The following HEATR5A variants were observed in gnomAD, a reference collection of about 807,000 sequenced individuals.
HEATR5A encodes the protein HEAT repeat containing 5A.
Under a neutral mutation model 218.8 loss-of-function variants are expected in HEATR5A, and 178 were observed. The ratio of observed to expected loss-of-function variants is 0.81; its 90% CI spans 0.72 to 0.92. The LOEUF (loss-of-function observed/expected upper bound fraction) is 0.92. Ranked by LOEUF, HEATR5A falls within the 40% of genes least tolerant of loss-of-function variation. The pLI is 0.00. For synonymous variants in HEATR5A, 864 were observed against 871.6 expected, an observed-to-expected ratio of 0.99 and a Z score of 0.15; for missense variants, 2,420 against 2,418.9, an observed-to-expected ratio of 1.00 and a Z score of -0.01.
intron 29 of HEATR5A, 85 bp downstream of exon 29, chr14:31,308,849 T>C (rs1899641223): frequency 8.4e-7 from 1 of 1,195,470 alleles, no homozygotes; most frequent in African/African-American, 1.6e-5. Context: ...TACTCCAGCC[T>C]GGGTGAAAGA....
Position 31,303,096 on chromosome 14 carries a change from G to C in HEATR5A, c.5240-577C>G, listed in dbSNP as rs1566746564. ...CACTGAACTCCAGCCTGGGCACAGA[G>C]TGAGACCCTGTCTAAAAAAAAAACC... On this transcript the variant is annotated intron_variant, in intron 32 of 35. Transcript: ENST00000543095. Among the ~76,000 whole-genome samples the C allele has an allele frequency of 2.6e-5, 4 of 151,444 alleles. 1 individual carries two copies. The South Asian group carries it at 8.4e-4, about 32-fold the overall frequency.
At chr14:31,407,191 T>C (rs1301227927) in intron 1 of HEATR5A, among the ~76,000 whole-genome samples, 1 of 152,038 alleles carries the variant, frequency 6.6e-6, no homozygotes, top group Non-Finnish European at 1.5e-5. Flanking sequence ...CTCAGGAGGC[T>C]GAGGTAAGAA....
chr14:31,390,993 G>A (rs1394546791), intron 6 of HEATR5A, among the ~76,000 whole-genome samples: 1 of 152,146 alleles, frequency 6.6e-6, no homozygotes, highest in African/African-American at 2.4e-5. Flanking sequence ...ATACTAAGGT[G>A]AAAGACAGTG....
intron 21 of HEATR5A, among the ~76,000 whole-genome samples, chr14:31,338,112 A>T (rs796413517): frequency 6.6e-6 from 1 of 152,172 alleles, no homozygotes; most frequent in Admixed American, 6.5e-5. Flanking sequence ...TAGCTGTGTG[A>T]CTGTGGGCAA....
Position 31,323,608 on chromosome 14 carries a change from A to G in HEATR5A, c.3744T>C (p.Phe1248=). The G allele has an allele frequency of 6.2e-7, 1 of 1,612,398 alleles. No individual in the cohort carries two copies. The highest frequency in any genetic ancestry group is 1.1e-5 in the South Asian group (1 of 90,960). ...TCATTTCTTGTGCTAAAGCAATGTCAAAATGTGCACTGTTAGCATTCTCAC... is the reference window on the plus strand; with the variant it reads ...TCATTTCTTGTGCTAAAGCAATGTCGAAATGTGCACTGTTAGCATTCTCAC... ...NQCENANSAH[F]DIALAQEMKK... is the part of the protein sequence containing the mutation. Residue 1248 remains phenylalanine, a synonymous_variant, in exon 24 of 36, where the codon TTT becomes TTC. Transcript: ENST00000543095.
chr14:31,324,945 G>A (rs1000422902), intron 23 of HEATR5A, among the ~76,000 whole-genome samples: 4 of 152,166 alleles, frequency 2.6e-5, no homozygotes, highest in African/African-American at 4.8e-5. Flanking sequence ...CAGGAATTTG[G>A]TGTTAACTTT....
intron 23 of HEATR5A, among the ~76,000 whole-genome samples, chr14:31,325,479 T>C (rs2139172254): frequency 6.6e-6 from 1 of 150,856 alleles, no homozygotes; most frequent in East Asian, 1.9e-4. Context: ...TGGGTATGTA[T>C]GAACATATGT....
At chr14:31,326,622 T>C (rs1166812233) in intron 22 of HEATR5A, among the ~76,000 whole-genome samples, 1 of 152,256 alleles carries the variant, frequency 6.6e-6, no homozygotes, top group Admixed American at 6.5e-5. Flanking sequence ...TTTACCCAAT[T>C]AGTGTCCAAT....
intron 25 of HEATR5A, among the ~76,000 whole-genome samples, chr14:31,320,874 T>C (rs1470834094): frequency 6.6e-6 from 1 of 152,150 alleles, no homozygotes; most frequent in Non-Finnish European, 1.5e-5. Flanking sequence ...ACAGGCATAC[T>C]GCCCTGCCCA....
In HEATR5A at chr14:31,369,677, C is replaced by T. The variant is rs145639070; in HGVS notation, c.1961+2133G>A. ...ACGCAGTGGCTCATGCCTGTAATCCCAGCAATTTGGGAGGCCGAGGTGGGT... is the reference window on the plus strand; with the variant it reads ...ACGCAGTGGCTCATGCCTGTAATCCTAGCAATTTGGGAGGCCGAGGTGGGT... On this transcript the variant is annotated intron_variant, in intron 13 of 35. Coordinates refer to ENST00000543095, the MANE Select transcript of HEATR5A (RefSeq NM_015473.4). 9.8e-3 allele frequency among the ~76,000 whole-genome samples: 1,445 copies of T among 147,360 alleles called. 26 individuals carry two copies. The highest frequency in any genetic ancestry group is 0.034 in the African/African-American group (1,370 of 39,736).
chr14:31,304,842 C>G, intron 32 of HEATR5A, 63 bp downstream of exon 32: 1 of 1,531,026 alleles, frequency 6.5e-7, no homozygotes, highest in Non-Finnish European at 8.9e-7. Context: ...CAACTAGACT[C>G]CATTATCTAT....
At chr14:31,378,756 C>A (rs1363786867) in intron 11 of HEATR5A, among the ~76,000 whole-genome samples, 1 of 143,392 alleles carries the variant, frequency 7.0e-6, no homozygotes, top group Non-Finnish European at 1.5e-5. Context: ...CCACTGCACT[C>A]CAGCCTGGGT....
intron 21 of HEATR5A, chr14:31,340,313 ACATAC>A (rs1298896673): frequency 5.1e-6 from 2 of 391,874 alleles, no homozygotes; most frequent in South Asian, 4.4e-5. Context: ...AACATGCTAC[ACATAC>A]TGGACTTAGC....
intron 14 of HEATR5A, among the ~76,000 whole-genome samples, chr14:31,362,541 T>C (rs942703583): frequency 7.4e-5 from 10 of 134,584 alleles, no homozygotes; most frequent in Non-Finnish European, 1.5e-4. Flanking sequence ...GGTGGGAGGA[T>C]CACTGAAGCC....
chr14:31,374,634 T>A (rs930563773), intron 12 of HEATR5A, among the ~76,000 whole-genome samples, 182 bp downstream of exon 12: 3 of 152,176 alleles, frequency 2.0e-5, no homozygotes, highest in Non-Finnish European at 4.4e-5. Context: ...TGGTTTATTA[T>A]AACATACACC....
At chr14:31,295,273 T>C (rs923050833) in intron 34 of HEATR5A, among the ~76,000 whole-genome samples, 1 of 152,146 alleles carries the variant, frequency 6.6e-6, no homozygotes, top group African/African-American at 2.4e-5. Context: ...TGAGACAGCG[T>C]CTGGCTCTGT....
chr14:31,306,637 A>G, intron 31 of HEATR5A, 95 bp downstream of exon 31: 1 of 1,283,028 alleles, frequency 7.8e-7, no homozygotes, highest in Non-Finnish European at 1.0e-6. Context: ...TGTACCACAC[A>G]CAAAAGATTA....
chr14:31,307,946 A>C lies in HEATR5A; in HGVS notation c.4765T>G (p.Leu1589Val). The change falls in exon 30 of 36, where the codon TTG becomes GTG. Residue 1589 changes from leucine (L) to valine (V), a missense_variant. Transcript: ENST00000543095. ...CAAGGTACATCTAGAAGTGCTTGCA[A>C]TGCATGTAAACAAGCAGTTATGCTT... The part of the protein sequence containing the change: ...MESITACLHA[L>V]QALLDVPWPR... 6.2e-7 allele frequency: 1 copy of C among 1,613,752 alleles called. No individual in the cohort carries two copies. Among genetic ancestry groups the C allele is most frequent in the Non-Finnish European group, 8.5e-7 (1 of 1,179,672 alleles).
chr14:31,364,540 T>C lies in HEATR5A; in HGVS notation c.1962-242A>G, dbSNP rs561421232. ...GCTCAAACGATTCTCCCACCTCAGATTCCTAAGTAGCTGGGAACTACAGGG... is the reference window on the plus strand; with the variant it reads ...GCTCAAACGATTCTCCCACCTCAGACTCCTAAGTAGCTGGGAACTACAGGG... On this transcript the variant is annotated intron_variant, in intron 13 of 35. Coordinates refer to ENST00000543095, the MANE Select transcript of HEATR5A (RefSeq NM_015473.4). Among the ~76,000 whole-genome samples, 5 of 152,246 alleles carry C rather than the reference T, an allele frequency of 3.3e-5. No homozygotes were observed. In the East Asian group the frequency reaches 9.7e-4, roughly 29 times the overall value.
Sources: allele counts gnomAD v4.1 joint callset (sites outside exome capture counted in the v4.1 genomes callset), GRCh38; gene constraint gnomAD v4.1.1; transcripts MANE v1.5; gene names NCBI Gene and HGNC (gene_info 2026-07-23, HGNC 2026-07-21).